EYA1: variants seen among roughly 807,000 people sequenced by gnomAD.
EYA1 encodes protein phosphatase EYA1.
Under a neutral mutation model 82.0 loss-of-function variants are expected in EYA1, and 16 were observed. That is an observed-to-expected ratio of 0.20 (90% CI 0.13 to 0.30). The LOEUF (loss-of-function observed/expected upper bound fraction) is 0.30. Among genes scored for constraint, EYA1 ranks in the 10% least tolerant of loss-of-function variants. The probability of loss-of-function intolerance (pLI) is 1.00; values close to 1 mark genes in which losing one functional copy is unlikely to be tolerated. For missense variants in EYA1, 633 were observed against 730.7 expected (o/e 0.87, Z 1.54); for synonymous variants, 261 against 264.4 (o/e 0.99, Z 0.12).
intron 2 of EYA1, among the ~76,000 whole-genome samples, chr8:71,506,148 T>C (rs765305038): frequency 1.3e-5 from 2 of 152,162 alleles, no homozygotes; most frequent in Admixed American, 6.5e-5. Flanking sequence ...AATATAAAAA[T>C]GGACTAATAC....
chr8:71,342,282 C>T (rs1369867446), intron 3 of EYA1, among the ~76,000 whole-genome samples: 2 of 152,168 alleles, frequency 1.3e-5, no homozygotes, highest in African/African-American at 4.8e-5. Context: ...CAGTTTGGCT[C>T]CAACTGATCC....
chr8:71,333,708 T>G (rs1271127366), intron 4 of EYA1, among the ~76,000 whole-genome samples: 1 of 152,220 alleles, frequency 6.6e-6, no homozygotes, highest in Non-Finnish European at 1.5e-5. Context: ...GCAAGATGAC[T>G]TGGCGAGTCT....
intron 9 of EYA1, among the ~76,000 whole-genome samples, chr8:71,286,631 C>G (rs1057332478): frequency 1.3e-5 from 2 of 152,044 alleles, no homozygotes; most frequent in East Asian, 1.9e-4. Context: ...ATGAAAATTA[C>G]AGGCCCAATC....
At chr8:71,285,334 G>T (rs1299211631) in intron 9 of EYA1, among the ~76,000 whole-genome samples, 1 of 152,104 alleles carries the variant, frequency 6.6e-6, no homozygotes, top group Non-Finnish European at 1.5e-5. Flanking sequence ...AACACTAAAT[G>T]AGAAACTAGA....
chr8:71,485,890 A>T (rs1810531129), intron 2 of EYA1, among the ~76,000 whole-genome samples: 1 of 152,100 alleles, frequency 6.6e-6, no homozygotes, highest in Non-Finnish European at 1.5e-5. Flanking sequence ...TTGAAACAAT[A>T]AAAAAAAGTT....
intron 2 of EYA1, among the ~76,000 whole-genome samples, chr8:71,509,760 T>C (rs62508475): frequency 6.1e-4 from 93 of 152,266 alleles, no homozygotes; most frequent in Non-Finnish European, 9.6e-4. Flanking sequence ...TTTAAGAATA[T>C]ATTTAGAAAA....
chr8:71,231,676 G>T (rs1179471009), intron 12 of EYA1, among the ~76,000 whole-genome samples: 1 of 152,208 alleles, frequency 6.6e-6, no homozygotes, highest in Non-Finnish European at 1.5e-5. Flanking sequence ...TCAGTGCCTA[G>T]CTAGTGTCCA....
intron 2 of EYA1, chr8:71,404,556 A>C (rs1345797787): frequency 6.6e-6 from 1 of 152,236 alleles, no homozygotes; most frequent in African/African-American, 2.4e-5. Flanking sequence ...GCTAGAGGTA[A>C]AACTGACAGA....
At position 71,269,759 on chromosome 8, in the gene EYA1, T is replaced by A; in HGVS notation, c.1031A>T (p.Tyr344Phe). 1 of 1,613,660 alleles carries A rather than the reference T, an allele frequency of 6.2e-7. No individual in the cohort carries two copies. The change falls in exon 11 of 18, where the codon TAC becomes TTC. Residue 344 changes from tyrosine to phenylalanine, a missense_variant. Transcript: ENST00000340726. The part of the protein sequence containing the change: ...IVFHSLLTGS[Y>F]ANRYGRDPPT... ...ACTCACCCTCCCATATCTGTTGGCG[T>A]AGGACCCAGTAAGCAAGGAGTGGAA...
intron 17 of EYA1, chr8:71,200,184 T>TA (rs1563599337): frequency 6.6e-6 from 1 of 152,264 alleles, no homozygotes; most frequent in Non-Finnish European, 1.5e-5. Flanking sequence ...AAGGGAAAGA[T>TA]AATCATCACC....
chr8:71,310,253 T>C (rs1821190754), intron 7 of EYA1, among the ~76,000 whole-genome samples: 1 of 152,240 alleles, frequency 6.6e-6, no homozygotes, highest in South Asian at 2.1e-4. Flanking sequence ...AAATGTCTTA[T>C]TTATGTTTTA....
At chr8:71,356,543 T>C in intron 1 of EYA1, 32 bp from the exon 2 acceptor site, 1 of 1,552,814 alleles carries the variant, frequency 6.4e-7, no homozygotes, top group Non-Finnish European at 8.7e-7. Flanking sequence ...TTAGAAGATG[T>C]TGTTACTCTG....
intron 3 of EYA1, among the ~76,000 whole-genome samples, chr8:71,347,149 C>A (rs1177408382): frequency 6.6e-6 from 1 of 152,138 alleles, no homozygotes; most frequent in Non-Finnish European, 1.5e-5. Context: ...GTGACCTAAG[C>A]ACTGCTACTG....
intron 9 of EYA1, among the ~76,000 whole-genome samples, chr8:71,282,263 C>T (rs1028531388): frequency 1.1e-4 from 17 of 152,314 alleles, no homozygotes; most frequent in Admixed American, 3.3e-4. Flanking sequence ...CCTGCAGGTG[C>T]ACACAAGCTA....
At chr8:71,373,510 A>G (rs896433481) in intron 2 of EYA1, among the ~76,000 whole-genome samples, 19 of 152,152 alleles carry the variant, frequency 1.2e-4, no homozygotes, top group Non-Finnish European at 1.5e-5. Flanking sequence ...ATGAAAAGGT[A>G]TCTTGTGTTT....
In EYA1 at chr8:71,476,127, C is replaced by A. The variant is rs1025865565; in HGVS notation, c.33+59617G>T. On this transcript the variant is annotated intron_variant, in intron 2 of 18. Coordinates refer to the EYA1 transcript ENST00000643681. Reference sequence around the variant, plus strand: ...TTCTTCTCTTCCTACATATACCCCCCAATCCTTCATATACCTTTTAACCAT... The same window carrying A: ...TTCTTCTCTTCCTACATATACCCCCAAATCCTTCATATACCTTTTAACCAT... Among the ~76,000 whole-genome samples the A allele has an allele frequency of 1.1e-4, 16 of 152,290 alleles. 1 individual carries two copies. Among genetic ancestry groups the A allele is most frequent in the Non-Finnish European group, 1.6e-4 (11 of 67,984 alleles).
chr8:71,467,267 C>T (rs1367806304), intron 2 of EYA1, among the ~76,000 whole-genome samples: 1 of 151,974 alleles, frequency 6.6e-6, no homozygotes, highest in Non-Finnish European at 1.5e-5. Context: ...TTTTCAGGGT[C>T]CAACATTTTA....
chr8:71,436,910 C>CT (rs943930193), intron 2 of EYA1, among the ~76,000 whole-genome samples: 1 of 151,894 alleles, frequency 6.6e-6, no homozygotes, highest in African/African-American at 2.4e-5. Flanking sequence ...ATGTTATTTC[C>CT]TTTTTGTAAA....
intron 12 of EYA1, among the ~76,000 whole-genome samples, chr8:71,233,434 G>A (rs987916051): frequency 6.6e-6 from 1 of 151,832 alleles, no homozygotes; most frequent in African/African-American, 2.4e-5. Flanking sequence ...CGTGGTGGTG[G>A]GCGCCTGTAT....
Sources: allele counts gnomAD v4.1 joint callset (sites outside exome capture counted in the v4.1 genomes callset), GRCh38; gene constraint gnomAD v4.1.1; transcripts MANE v1.5; gene names NCBI Gene and HGNC (gene_info 2026-07-23, HGNC 2026-07-21).